Variants in OBI1 observed in about 807,000 individuals in gnomAD.
OBI1 encodes ring finger protein 219.
A neutral mutation model predicts 62.4 loss-of-function variants in OBI1; 59 were observed. The ratio of observed to expected loss-of-function variants is 0.95; its 90% CI spans 0.77 to 1.17. The LOEUF is 1.17. Among genes scored for constraint, OBI1 ranks in the 50% most tolerant of loss-of-function variants. The pLI is 0.00. For synonymous variants in OBI1, 302 were observed against 292.8 expected (o/e 1.03, Z -0.32); for missense variants, 875 against 830.9 (o/e 1.05, Z -0.65).
chr13:78,655,013 A>G (rs1324011126), intron 1 of OBI1, among the ~76,000 whole-genome samples: 1 of 152,214 alleles, frequency 6.6e-6, no homozygotes, highest in Admixed American at 6.5e-5. Context: ...CGAATGAGAA[A>G]TAACTGAATA....
At chr13:78,648,456 A>C (rs1188182094) in intron 1 of OBI1, among the ~76,000 whole-genome samples, 1 of 152,176 alleles carries the variant, frequency 6.6e-6, no homozygotes, top group Non-Finnish European at 1.5e-5. Flanking sequence ...AAAATGGATA[A>C]AAGCCAATGC....
intron 5 of OBI1, among the ~76,000 whole-genome samples, chr13:78,622,289 A>T (rs12869663): frequency 0.32 from 48,072 of 151,956 alleles, 7,935 homozygotes; most frequent in East Asian, 0.37. Flanking sequence ...CAAAAAAAAA[A>T]ATATATATCA....
chr13:78,623,639 A>G (rs955639720), intron 5 of OBI1, among the ~76,000 whole-genome samples: 1 of 152,228 alleles, frequency 6.6e-6, no homozygotes, highest in Non-Finnish European at 1.5e-5. Context: ...TTCTTAAATA[A>G]TATCAGTACC....
chr13:78,639,229 A>C lies in OBI1; in HGVS notation c.301-158T>G, dbSNP rs528321309. 3.0e-4 allele frequency among the ~76,000 whole-genome samples: 46 copies of C among 152,388 alleles called. No homozygotes were observed. In the South Asian group the frequency reaches 8.9e-3, roughly 29 times the overall value. ...AAGAGTTTTGCAGGGAGAAAGTCACATACAGTTTAAATTCTCAAAATGTGG... is the reference window on the plus strand; with the variant it reads ...AAGAGTTTTGCAGGGAGAAAGTCACCTACAGTTTAAATTCTCAAAATGTGG... On this transcript the variant is annotated intron_variant, in intron 3 of 5. Coordinates refer to ENST00000282003, the MANE Select transcript of OBI1 (RefSeq NM_024546.4).
chr13:78,642,177 G>A lies in OBI1; in HGVS notation c.245C>T (p.Thr82Met), dbSNP rs538856087. Residue 82 changes from threonine to methionine, a missense_variant, in exon 3 of 6, where the codon ACG becomes ATG. Physicochemically the swap from Thr to Met is moderately conservative, Grantham distance 81. Coordinates refer to ENST00000282003, the MANE Select transcript of OBI1 (RefSeq NM_024546.4). ...AGTTTTCCGAAGATGCTTCCTGACC[G>A]TATGGCTTAGCATAGGTTCACTTTC... Reference protein sequence around the residue: ...TSESEPMLSHTVRKHLRKTRL... With the variant: ...TSESEPMLSHMVRKHLRKTRL... The A allele has an allele frequency of 8.9e-5, 143 of 1,607,864 alleles. 2 individuals carry two copies. The highest frequency in any genetic ancestry group is 8.7e-4 in the South Asian group (79 of 90,796).
intron 5 of OBI1, chr13:78,620,634 A>G (rs556790026): frequency 1.5e-5 from 7 of 456,524 alleles, no homozygotes; most frequent in Admixed American, 2.3e-5. Flanking sequence ...AAAGGATGCC[A>G]GTTCCCCTTG....
chr13:78,635,252 T>C, intron 4 of OBI1, 54 bp from the exon 5 acceptor site: 1 of 1,054,398 alleles, frequency 9.5e-7, no homozygotes, highest in Admixed American at 1.9e-5. Context: ...AAGTGACTTG[T>C]AAAAATTACA....
chr13:78,623,044 T>C (rs1875558600), intron 5 of OBI1, among the ~76,000 whole-genome samples: 1 of 152,172 alleles, frequency 6.6e-6, no homozygotes. Flanking sequence ...TTTAAACTAC[T>C]AGGGAAGTTT....
chr13:78,653,575 T>C (rs1326312296), intron 1 of OBI1, among the ~76,000 whole-genome samples: 2 of 152,172 alleles, frequency 1.3e-5, no homozygotes, highest in Admixed American at 6.5e-5. Context: ...AGTTCTTTCT[T>C]CCTTGGAGCA....
At chr13:78,621,674 A>G (rs1281468916) in intron 5 of OBI1, among the ~76,000 whole-genome samples, 2 of 152,266 alleles carry the variant, frequency 1.3e-5, no homozygotes, top group African/African-American at 4.8e-5. Flanking sequence ...CAGTCCATTC[A>G]AGAAATTCTA....
intron 5 of OBI1, among the ~76,000 whole-genome samples, chr13:78,626,598 A>G (rs1376318500): frequency 5.3e-5 from 8 of 152,200 alleles, no homozygotes; most frequent in Admixed American, 2.6e-4. Flanking sequence ...GGGATTAACC[A>G]GGAAGAATAA....
chr13:78,618,047 AG>A (rs1375676141), intron 5 of OBI1, among the ~76,000 whole-genome samples: 3 of 152,172 alleles, frequency 2.0e-5, no homozygotes, highest in Non-Finnish European at 4.4e-5. Flanking sequence ...GGAACACAAA[AG>A]ATAAAAAAGA....
rs145347701 is a variant in OBI1, at chr13:78,659,076, G to T, written c.45C>A (p.Pro15=). ...TCCCCAAGCAAATGTGGCACGTGAT[G>T]GGCAGAGTGAGCGACAATGTAACAT... The part of the protein sequence containing the change: ...VQNVTLSLTL[P]ITCHICLGKV... Residue 15 remains proline (P), a synonymous_variant, in exon 1 of 6, where the codon CCC becomes CCA. Transcript: ENST00000282003. The T allele has an allele frequency of 1.2e-6, 2 of 1,612,918 alleles. No homozygotes were observed. Among genetic ancestry groups the T allele is most frequent in the Non-Finnish European group, 1.7e-6 (2 of 1,179,714 alleles).
chr13:78,639,505 G>C (rs1347568969), intron 3 of OBI1, among the ~76,000 whole-genome samples: 1 of 151,344 alleles, frequency 6.6e-6, no homozygotes, highest in Non-Finnish European at 1.5e-5. Context: ...TATACCCAAA[G>C]GACTATAAAT....
chr13:78,620,766 G>A (rs1875484087), intron 5 of OBI1: 1 of 406,090 alleles, frequency 2.5e-6, no homozygotes, highest in African/African-American at 2.1e-5. Context: ...ACAACAAAAA[G>A]TTCCTAAGAC....
chr13:78,658,319 G>A (rs1488598416), intron 1 of OBI1, among the ~76,000 whole-genome samples: 2 of 152,046 alleles, frequency 1.3e-5, no homozygotes, highest in African/African-American at 2.4e-5. Flanking sequence ...AAAGAGGAGA[G>A]GAATGCATTA....
chr13:78,647,332 C>G (rs974941497), intron 1 of OBI1, among the ~76,000 whole-genome samples: 9 of 152,366 alleles, frequency 5.9e-5, no homozygotes, highest in African/African-American at 2.2e-4. Flanking sequence ...TAAAACCCTA[C>G]TGTACATTTG....
rs1181435607 is a variant in OBI1, at chr13:78,615,598, T to C, written c.2163A>G (p.Ser721=). The part of the protein sequence containing the change: ...IQSSLSSASP[S]KATKS ...TAATGAGTCAACTTTTAGTTGCTTT[T>C]GATGGGCTGGCACTGGAAAGGCTGC... Residue 721 remains serine (S), a synonymous_variant, in exon 6 of 6, where the codon TCA becomes TCG. Coordinates refer to ENST00000282003, the MANE Select transcript of OBI1 (RefSeq NM_024546.4). The C allele has an allele frequency of 1.3e-6, 2 of 1,599,886 alleles. No homozygotes were observed. The highest frequency in any genetic ancestry group is 1.7e-6 in the Non-Finnish European group (2 of 1,174,804).
chr13:78,642,007 C>A, intron 3 of OBI1, 115 bp downstream of exon 3: 1 of 462,102 alleles, frequency 2.2e-6, no homozygotes, highest in Non-Finnish European at 3.9e-6. Flanking sequence ...TTTTTATAGG[C>A]TTTTAAAATA....
Sources: gnomAD v4.1 joint callset for allele counts (sites outside exome capture counted in the v4.1 genomes callset) on GRCh38, gnomAD v4.1.1 for gene constraint, MANE v1.5 for transcripts, NCBI Gene and HGNC (gene_info 2026-07-23, HGNC 2026-07-21) for gene names.